FGD4: variants seen among roughly 807,000 people sequenced by gnomAD.
FGD4 encodes the protein FYVE, RhoGEF and PH domain-containing protein 4.
Under a neutral mutation model 102.0 loss-of-function variants are expected in FGD4, and 42 were observed. The ratio of observed to expected loss-of-function variants is 0.41; its 90% CI spans 0.32 to 0.53. The LOEUF (loss-of-function observed/expected upper bound fraction) is 0.53, where lower values mean the gene tolerates loss of function less well. Among genes scored for constraint, FGD4 ranks in the 20% least tolerant of loss-of-function variants. The probability of loss-of-function intolerance (pLI) is 0.21; values close to 1 mark genes in which losing one functional copy is unlikely to be tolerated. For missense variants in FGD4, 902 were observed against 1,078.2 expected (o/e 0.84, Z 2.29); for synonymous variants, 380 against 375.7 (o/e 1.01, Z -0.13).
rs557407503 is a variant in FGD4, at chr12:32,526,642, T to C, written c.167-37495T>C. On this transcript the variant is annotated intron_variant, in intron 1 of 16. Transcript: ENST00000534526. ...GCATTGGCAACCTGCTCAGGTCCCCTTCCACACTGTGGGAGCTTTGTTCTT... is the reference window on the plus strand; with the variant it reads ...GCATTGGCAACCTGCTCAGGTCCCCCTCCACACTGTGGGAGCTTTGTTCTT... Among the ~76,000 whole-genome samples, 5 of 152,334 alleles carry C rather than the reference T, an allele frequency of 3.3e-5. No individual in the cohort carries two copies. In the South Asian group the frequency reaches 1.0e-3, roughly 32 times the overall value.
intron 1 of FGD4, among the ~76,000 whole-genome samples, chr12:32,472,450 G>C (rs1943439084): frequency 6.6e-6 from 1 of 152,214 alleles, no homozygotes; most frequent in Admixed American, 6.5e-5. Flanking sequence ...TGGCTGCGGA[G>C]GGTGTACTGG....
intron 1 of FGD4, among the ~76,000 whole-genome samples, chr12:32,493,438 T>C (rs1014649569): frequency 1.3e-5 from 2 of 152,182 alleles, no homozygotes; most frequent in African/African-American, 4.8e-5. Flanking sequence ...GGGTCATTAG[T>C]CCTGAGACAC....
In FGD4 at chr12:32,640,330, C is replaced by A. The variant is rs756057996; in HGVS notation, c.2509C>A (p.Pro837Thr). ...PLLGYVVDEM[P>T]RSADLPHSFK... Reference sequence around the variant, plus strand: ...TCTGGGCTATGTGGTGGATGAAATGCCAAGGAGCGCAGACCTGCCACACAG... The same window carrying A: ...TCTGGGCTATGTGGTGGATGAAATGACAAGGAGCGCAGACCTGCCACACAG... The change falls in exon 17 of 17, where the codon CCA (proline) becomes ACA (threonine). Residue 837 changes from proline (P) to threonine (T), a missense_variant. Transcript: ENST00000534526. The A allele has an allele frequency of 2.7e-5, 43 of 1,614,078 alleles. No homozygotes were observed. Among genetic ancestry groups the A allele is most frequent in the Non-Finnish European group, 3.4e-5 (40 of 1,180,044 alleles).
At chr12:32,433,583 C>T (rs1942124968) in intron 1 of FGD4, among the ~76,000 whole-genome samples, 1 of 151,910 alleles carries the variant, frequency 6.6e-6, no homozygotes, top group Admixed American at 6.6e-5. Context: ...GTGATCCGCC[C>T]ACCTCGGCCT....
chr12:32,493,118 C>T (rs1160414239), intron 1 of FGD4, among the ~76,000 whole-genome samples: 1 of 152,174 alleles, frequency 6.6e-6, no homozygotes, highest in Non-Finnish European at 1.5e-5. Context: ...GTCTGGGTCA[C>T]AGCCAGGAAG....
intron 1 of FGD4, among the ~76,000 whole-genome samples, chr12:32,423,606 A>G (rs1591872007): frequency 6.6e-6 from 1 of 151,006 alleles, no homozygotes. Context: ...AAAAAAAAAA[A>G]AAAAGAAAGA....
chr12:32,569,247 G>C (rs954830768), intron 2 of FGD4, among the ~76,000 whole-genome samples: 3 of 151,362 alleles, frequency 2.0e-5, no homozygotes, highest in African/African-American at 7.3e-5. Context: ...CTTCTCCCCT[G>C]TTTTCCTCTA....
intron 1 of FGD4, chr12:32,485,879 C>T (rs1057494405): frequency 8.0e-7 from 1 of 1,244,740 alleles, no homozygotes; most frequent in African/African-American, 1.5e-5. Context: ...GAAACACCTT[C>T]GTGGAATTTT....
chr12:32,611,691 CATTCCATTTAGGGAAT>C (rs58309959), intron 10 of FGD4, among the ~76,000 whole-genome samples: 3,813 of 152,350 alleles, frequency 0.025, 67 homozygotes, highest in South Asian at 0.054. Flanking sequence ...GTTTAGTCAA[CATTCCATTTAGGGAAT>C]ATTCCATTTA....
intron 1 of FGD4, among the ~76,000 whole-genome samples, chr12:32,512,751 T>A (rs954293959): frequency 1.3e-5 from 2 of 152,158 alleles, no homozygotes; most frequent in African/African-American, 4.8e-5. Flanking sequence ...TAGGAAAAAT[T>A]GAGTTATTTT....
intron 1 of FGD4, among the ~76,000 whole-genome samples, chr12:32,535,866 A>T (rs1334795633): frequency 6.6e-6 from 1 of 152,208 alleles, no homozygotes; most frequent in African/African-American, 2.4e-5. Flanking sequence ...GTTGATAAAC[A>T]TAGAGAACTT....
chr12:32,485,307 TGGAA>T (rs1238592570), intron 1 of FGD4, among the ~76,000 whole-genome samples: 2 of 152,092 alleles, frequency 1.3e-5, no homozygotes, highest in African/African-American at 4.8e-5. Flanking sequence ...TGGAAAAAAA[TGGAA>T]GGCCCTTTTT....
chr12:32,480,659 G>A (rs543114080), intron 1 of FGD4, among the ~76,000 whole-genome samples: 6 of 150,128 alleles, frequency 4.0e-5, no homozygotes, highest in Middle Eastern at 3.6e-3. Flanking sequence ...CACCACCATG[G>A]CCAGCTAATT....
intron 1 of FGD4, among the ~76,000 whole-genome samples, chr12:32,497,929 G>C (rs1249388332): frequency 6.6e-6 from 1 of 152,132 alleles, no homozygotes; most frequent in African/African-American, 2.4e-5. Context: ...TCTCGACTCA[G>C]TGAGACTCTC....
intron 1 of FGD4, among the ~76,000 whole-genome samples, chr12:32,550,447 A>T (rs1255179702): frequency 1.3e-5 from 2 of 152,056 alleles, no homozygotes; most frequent in Non-Finnish European, 2.9e-5. Context: ...AGGCAGTAGG[A>T]TCGCTTGAGC....
intron 10 of FGD4, among the ~76,000 whole-genome samples, chr12:32,612,039 G>A (rs1440613387): frequency 6.6e-6 from 1 of 152,236 alleles, no homozygotes; most frequent in Non-Finnish European, 1.5e-5. Flanking sequence ...GGCAGGGTGT[G>A]CACACACTTG....
At chr12:32,480,477 CTCTTTTT>C (rs1943713225) in intron 1 of FGD4, among the ~76,000 whole-genome samples, 1 of 149,560 alleles carries the variant, frequency 6.7e-6, no homozygotes, top group African/African-American at 2.5e-5. Flanking sequence ...GTTTTTTCTT[CTCTTTTT>C]TCTTTTCTTT....
intron 1 of FGD4, among the ~76,000 whole-genome samples, chr12:32,422,389 C>T (rs1466318918): frequency 1.5e-5 from 2 of 134,716 alleles, no homozygotes; most frequent in South Asian, 2.6e-4. Flanking sequence ...AGCTCCGCTT[C>T]CCGAGTTCAC....
At chr12:32,528,884 T>C (rs991418758) in intron 1 of FGD4, among the ~76,000 whole-genome samples, 5 of 152,218 alleles carry the variant, frequency 3.3e-5, no homozygotes, top group African/African-American at 1.2e-4. Context: ...AGGCCAGCTG[T>C]ACTCTGTGTG....
Sources: gnomAD v4.1 joint callset for allele counts (sites outside exome capture counted in the v4.1 genomes callset) on GRCh38, gnomAD v4.1.1 for gene constraint, MANE v1.5 for transcripts, NCBI Gene and HGNC (gene_info 2026-07-23, HGNC 2026-07-21) for gene names.